ORMDL1: variants seen among roughly 807,000 people sequenced by gnomAD.
ORMDL1 encodes the protein ORM1-like protein 1.
In ORMDL1, 10 loss-of-function variants were observed where a neutral mutation model predicts 13.0. The ratio of observed to expected loss-of-function variants is 0.77; its 90% CI spans 0.47 to 1.30. The LOEUF (loss-of-function observed/expected upper bound fraction) is 1.30. Ranked by LOEUF, ORMDL1 falls within the 50% of genes most tolerant of loss-of-function variation. ORMDL1 has a pLI of 0.00. For synonymous variants in ORMDL1, 61 were observed against 63.9 expected, an observed-to-expected ratio of 0.95 and a Z score of 0.22; for missense variants, 171 against 186.7, an observed-to-expected ratio of 0.92 and a Z score of 0.49.
In ORMDL1 at chr2:189,771,446, A is replaced by G. The variant is rs564322309; in HGVS notation, c.*321T>C. The G allele has an allele frequency of 5.5e-6, 1 of 182,954 alleles. No individual in the cohort carries two copies. Among genetic ancestry groups the G allele is most frequent in the East Asian group, 1.4e-4 (1 of 7,160 alleles). The allele number at this position is 182,954 out of a possible 1,614,324, so 11.3% of individuals were successfully genotyped here. ...CACAATGCCCATTCATTATAAGTTA[A>G]GCTGGTCCTAGTTTCTTACAAATCT... On this transcript the variant is annotated 3_prime_UTR_variant, in exon 5 of 5. Transcript: ENST00000392349.
intron 4 of ORMDL1, among the ~76,000 whole-genome samples, chr2:189,773,420 G>A (rs1314917758): frequency 6.6e-6 from 1 of 152,090 alleles, no homozygotes; most frequent in Non-Finnish European, 1.5e-5. Flanking sequence ...ATGCATTTGA[G>A]TCTGTTTCTT....
intron 3 of ORMDL1, among the ~76,000 whole-genome samples, chr2:189,781,853 T>TA (rs2047844287): frequency 6.6e-6 from 1 of 152,074 alleles, no homozygotes; most frequent in South Asian, 2.1e-4. Flanking sequence ...AAAAAGCTGT[T>TA]AAAAAAACTA....
chr2:189,776,463 A>G (rs2047699250), intron 3 of ORMDL1, among the ~76,000 whole-genome samples: 1 of 152,150 alleles, frequency 6.6e-6, no homozygotes, highest in African/African-American at 2.4e-5. Context: ...TATGATACCC[A>G]TTTAGACTCA....
chr2:189,778,212 TG>T (rs1167280856), intron 3 of ORMDL1: 6 of 412,558 alleles, frequency 1.5e-5, no homozygotes, highest in Non-Finnish European at 2.9e-5. Flanking sequence ...CTGACCAACA[TG>T]GTGAAACCCT....
At chr2:189,764,808 A>G in the ORMDL1 span, 2 of 151,966 alleles carry the variant, frequency 1.3e-5, no homozygotes, top group African/African-American at 2.4e-5. Flanking sequence ...TATTATTAAT[A>G]CATATTATAT....
downstream of ORMDL1, among the ~76,000 whole-genome samples, chr2:189,768,031 T>A (rs2047511295): frequency 6.6e-6 from 1 of 152,194 alleles, no homozygotes; most frequent in Non-Finnish European, 1.5e-5. Flanking sequence ...TATATGAAAA[T>A]TTTTAAACCC....
rs752079207 is a variant in ORMDL1 at position 189,771,743 on chromosome 2, AT to A, written c.*23del. On this transcript the variant is annotated 3_prime_UTR_variant, in exon 5 of 5. Coordinates refer to ENST00000392349, the MANE Select transcript of ORMDL1 (RefSeq NM_016467.5). ...TTATAAGAAATTCAGTAGCTGTAAA[AT>A]TTTTTTTCAGTTTCAAAACATTTCA... 21 of 1,561,326 alleles carry A rather than the reference AT, an allele frequency of 1.3e-5. No individual in the cohort carries two copies. Among genetic ancestry groups the A allele is most frequent in the East Asian group, 6.9e-5 (3 of 43,320 alleles).
chr2:189,767,301 T>C (rs2106133565), downstream of ORMDL1, among the ~76,000 whole-genome samples: 1 of 152,354 alleles, frequency 6.6e-6, no homozygotes, highest in South Asian at 2.1e-4. Flanking sequence ...TATGGTTTGA[T>C]GAGAATTCTA....
the ORMDL1 span, chr2:189,763,989 G>C: frequency 6.6e-6 from 1 of 152,292 alleles, no homozygotes; most frequent in East Asian, 1.9e-4. Context: ...CCATGAAATA[G>C]TTTCTGTCCT....
At chr2:189,777,365 GTA>G (rs72453043) in intron 3 of ORMDL1, among the ~76,000 whole-genome samples, 7,016 of 152,178 alleles carry the variant, frequency 0.046, 553 homozygotes, top group African/African-American at 0.16. Flanking sequence ...AAAACAGAAA[GTA>G]TATGTTTTCA....
intron 3 of ORMDL1, among the ~76,000 whole-genome samples, chr2:189,782,067 C>T (rs772745731): frequency 9.2e-5 from 14 of 151,970 alleles, no homozygotes; most frequent in Non-Finnish European, 1.9e-4. Flanking sequence ...CTCAGCCTCC[C>T]GAGTAGCTGG....
At chr2:189,767,706 A>G (rs1227672576), downstream of ORMDL1, among the ~76,000 whole-genome samples, 1 of 152,180 alleles carries the variant, frequency 6.6e-6, no homozygotes, top group Non-Finnish European at 1.5e-5. Flanking sequence ...TTATCTGCTA[A>G]ACTTAACATT....
intron 4 of ORMDL1, chr2:189,774,588 G>A (rs1354083474): frequency 6.6e-6 from 1 of 152,216 alleles, no homozygotes; most frequent in African/African-American, 2.4e-5. Context: ...AGATGGTACA[G>A]AGTATTAAGA....
downstream of ORMDL1, among the ~76,000 whole-genome samples, chr2:189,769,206 G>A (rs982937297): frequency 7.9e-5 from 12 of 152,020 alleles, no homozygotes; most frequent in South Asian, 2.1e-4. Context: ...TGACCAACAT[G>A]GTGAAATCCC....
At chr2:189,782,387 A>G in intron 3 of ORMDL1, 35 bp downstream of exon 3, 1 of 1,559,856 alleles carries the variant, frequency 6.4e-7, no homozygotes, top group Non-Finnish European at 8.8e-7. Flanking sequence ...TAAACTTAAA[A>G]CTTTTAAGTG....
rs1012173557 is a variant in ORMDL1, at chr2:189,771,435, A to G, written c.*332T>C. 1.7e-5 allele frequency: 3 copies of G among 174,638 alleles called. No individual in the cohort carries two copies. The highest frequency in any genetic ancestry group is 3.8e-4 in the South Asian group (2 of 5,222). 10.8% of individuals were successfully genotyped at this position (174,638 alleles called of 1,614,324 possible). On this transcript the variant is annotated 3_prime_UTR_variant, in exon 5 of 5. Transcript: ENST00000392349. The stretch of plus-strand genomic sequence containing the variant: ...TCTTTTCTTAACACAATGCCCATTC[A>G]TTATAAGTTAAGCTGGTCCTAGTTT...
intron 3 of ORMDL1, among the ~76,000 whole-genome samples, chr2:189,780,311 A>G (rs1277317816): frequency 6.6e-6 from 1 of 152,178 alleles, no homozygotes; most frequent in Admixed American, 6.5e-5. Context: ...AACATTTTCT[A>G]TTTTGGGTTT....
chr2:189,766,864 T>C (rs544970692), downstream of ORMDL1, among the ~76,000 whole-genome samples: 10 of 152,350 alleles, frequency 6.6e-5, no homozygotes, highest in Non-Finnish European at 1.0e-4. Flanking sequence ...TATTTGTCAT[T>C]TTGTGACTGA....
chr2:189,776,167 T>C (rs2047690533), intron 3 of ORMDL1, among the ~76,000 whole-genome samples: 1 of 152,142 alleles, frequency 6.6e-6, no homozygotes, highest in African/African-American at 2.4e-5. Context: ...TTAAAATCTA[T>C]TGGGAAAAAT....
Sources: allele counts gnomAD v4.1 joint callset (sites outside exome capture counted in the v4.1 genomes callset), GRCh38; gene constraint gnomAD v4.1.1; transcripts MANE v1.5; gene names NCBI Gene and HGNC (gene_info 2026-07-23, HGNC 2026-07-21).